Variants in EPS8L1 observed in about 807,000 individuals in gnomAD.
The protein encoded by EPS8L1 is EPS8 signaling adaptor L1, also known as epidermal growth factor receptor kinase substrate 8-like protein 1.
Under a neutral mutation model 91.7 loss-of-function variants are expected in EPS8L1, and 101 were observed. The observed-to-expected ratio is 1.10, with a 90% CI of 0.94 to 1.30. The LOEUF (loss-of-function observed/expected upper bound fraction) is 1.30. Among genes scored for constraint, EPS8L1 ranks in the 50% most tolerant of loss-of-function variants. The probability of loss-of-function intolerance (pLI) is 0.00; values close to 1 mark genes in which losing one functional copy is unlikely to be tolerated. For synonymous variants in EPS8L1, 506 were observed against 445.3 expected (o/e 1.14, Z -1.72); for missense variants, 1,114 against 1,017.0 (o/e 1.10, Z -1.30).
rs757013173 is a variant in EPS8L1 at position 55,086,142 on chromosome 19, C to T, written c.1600C>T (p.Pro534Ser). The T allele has an allele frequency of 6.2e-7, 1 of 1,607,258 alleles. No homozygotes were observed. The highest frequency in any genetic ancestry group is 8.5e-7 in the Non-Finnish European group (1 of 1,176,144). Reference protein sequence around the residue: ...EGYVPYNILTPYPGPRLHHSQ... With the variant: ...EGYVPYNILTSYPGPRLHHSQ... ...ATATGTGCCCTACAACATCCTGACA[C>T]CCTACCCCGGACCCCGGCTGCACCA... The change falls in exon 16 of 20, where the codon CCC becomes TCC. Residue 534 changes from proline to serine, a missense_variant. By Grantham distance (74) the Pro-to-Ser change is moderately conservative. Coordinates refer to ENST00000201647, the MANE Select transcript of EPS8L1 (RefSeq NM_133180.3).
At chr19:55,082,711 GT>G in intron 12 of EPS8L1, 109 bp downstream of exon 12, 1 of 1,046,390 alleles carries the variant, frequency 9.6e-7, no homozygotes, top group Non-Finnish European at 1.4e-6. Flanking sequence ...GTAGGGAGGG[GT>G]TAGAGGCGTG....
rs1393313645 is a variant in EPS8L1 at position 55,087,617 on chromosome 19, T to G, written c.*3T>G. On this transcript the variant is annotated 3_prime_UTR_variant, in exon 20 of 20. Coordinates refer to ENST00000201647, the MANE Select transcript of EPS8L1 (RefSeq NM_133180.3). ...AGGTGGAAATGGAGGTCATTTGACCTGCCAGGCGCCCTTCGCAAAGAGTGA... is the reference window on the plus strand; with the variant it reads ...AGGTGGAAATGGAGGTCATTTGACCGGCCAGGCGCCCTTCGCAAAGAGTGA... 3.1e-6 allele frequency: 5 copies of G among 1,614,094 alleles called. No homozygotes were observed. In the East Asian group the frequency reaches 8.9e-5, roughly 29 times the overall value.
Position 55,081,661 on chromosome 19 carries a change from GT to G in EPS8L1, c.775-109del. On this transcript the variant is annotated intron_variant, in intron 8 of 19. Transcript: ENST00000201647. The surrounding 1 kb of genome is among the most constrained non-coding windows in gnomAD (Gnocchi z 4.9). ...GCTTGGTTGTGGGGCGTGGCCAGGTGTTTGGGGCGTGGCCTGATCTGGGGAA... is the reference window on the plus strand; with the variant it reads ...GCTTGGTTGTGGGGCGTGGCCAGGTGTTGGGGCGTGGCCTGATCTGGGGAA... The G allele has an allele frequency of 6.7e-7, 1 of 1,487,816 alleles. No individual in the cohort carries two copies. The highest frequency in any genetic ancestry group is 9.0e-7 in the Non-Finnish European group (1 of 1,114,790). The allele number at this position is 1,487,816 out of a possible 1,614,324, so 92.2% of individuals were successfully genotyped here.
intron 16 of EPS8L1, 22 bp downstream of exon 16, chr19:55,086,214 G>T: frequency 6.3e-7 from 1 of 1,593,130 alleles, no homozygotes; most frequent in African/African-American, 1.3e-5. Context: ...CAGACGCTGG[G>T]ATCTTGAGGG....
chr19:55,086,554 C>G (rs1476767879), intron 17 of EPS8L1, 36 bp downstream of exon 17: 1 of 1,544,782 alleles, frequency 6.5e-7, no homozygotes, highest in South Asian at 1.2e-5. Flanking sequence ...GGGAGCGGTC[C>G]TTATCCTTGC....
chr19:55,087,276 G>C, intron 18 of EPS8L1, 27 bp from the exon 19 acceptor site: 1 of 1,577,980 alleles, frequency 6.3e-7, no homozygotes, highest in Non-Finnish European at 8.6e-7. Flanking sequence ...CGACCGGCCT[G>C]ACCGCGCCCG....
Position 55,083,479 on chromosome 19 carries a change from C to T in EPS8L1, c.1316C>T (p.Pro439Leu), listed in dbSNP as rs570936221. The change falls in exon 13 of 20, where the codon CCA (proline) becomes CTA (leucine). Residue 439 changes from proline (P) to leucine (L), a missense_variant. Pro to Leu is a moderately conservative substitution (Grantham distance 98). Transcript: ENST00000201647. This position sits in a 1 kb window ranked among gnomAD's most constrained non-coding sequence, Gnocchi z 4.7. ...TDPQSRAWED[P>L]VEKQLQHERR... The stretch of plus-strand genomic sequence containing the variant: ...CCGCAGAGCCGCGCCTGGGAGGACC[C>T]AGTTGAGAAACAGCTACAGCACGAG... The T allele has an allele frequency of 6.2e-7, 1 of 1,612,444 alleles. No individual in the cohort carries two copies. The highest frequency in any genetic ancestry group is 1.1e-5 in the South Asian group (1 of 91,036).
rs751602180 is a variant in EPS8L1 at position 55,086,190 on chromosome 19, C to T, written c.1648C>T (p.Leu550=). The change falls in exon 16 of 20, where the codon CTG becomes TTG. Residue 550 remains leucine (L), a splice_region_variant and synonymous_variant. Transcript: ENST00000201647. ...LHHSQSPARS[L]NSTPPPPPAP... is the part of the protein sequence containing the mutation. ...CCACAGCCAAAGCCCTGCCCGCAGC[C>T]TGGTGAGCCAGCGCAGACGCTGGGA... 6.3e-7 allele frequency: 1 copy of T among 1,595,086 alleles called. No homozygotes were observed. The highest frequency in any genetic ancestry group is 8.5e-7 in the Non-Finnish European group (1 of 1,170,282).
In EPS8L1 at chr19:55,087,383, AG is replaced by A. The variant is rs1258093348; in HGVS notation, c.2035del (p.Glu679ArgfsTer28). ...GAGGAGCTGCGGGCGGTGAGCCCCG[AG>A]GAGGGGGCACGTGTGTACAGCCAGG... The part of the protein sequence containing the change: ...QKEELRAVSP[E>X]EGARVYSQVT... On this transcript the variant is annotated frameshift_variant, in exon 19 of 20. Transcript: ENST00000201647. LOFTEE classifies it high-confidence loss of function. 1 of 1,613,320 alleles carries A rather than the reference AG, an allele frequency of 6.2e-7. No individual in the cohort carries two copies. Among genetic ancestry groups the A allele is most frequent in the South Asian group, 1.1e-5 (1 of 91,044 alleles).
chr19:55,086,982 G>C (rs1336435501), intron 18 of EPS8L1, 94 bp downstream of exon 18: 22 of 1,379,750 alleles, frequency 1.6e-5, no homozygotes, highest in Non-Finnish European at 2.1e-5. Context: ...GGCAGTCGTG[G>C]AGACCACAGG....
Position 55,087,631 on chromosome 19 carries a change from C to T in EPS8L1, c.*17C>T. 1.2e-6 allele frequency: 2 copies of T among 1,613,590 alleles called. No homozygotes were observed. The highest frequency in any genetic ancestry group is 2.2e-5 in the South Asian group (2 of 90,936). ...GTCATTTGACCTGCCAGGCGCCCTT[C>T]GCAAAGAGTGACGAGGCCCCGTGGG... is the stretch of plus-strand genomic sequence containing the variant. On this transcript the variant is annotated 3_prime_UTR_variant, in exon 20 of 20. Coordinates refer to ENST00000201647, the MANE Select transcript of EPS8L1 (RefSeq NM_133180.3).
chr19:55,076,236 A>C, intron 1 of EPS8L1, 172 bp from the exon 2 acceptor site: 3 of 441,038 alleles, frequency 6.8e-6, no homozygotes, highest in African/African-American at 3.9e-5. Context: ...GGTCTAGGGA[A>C]GAGGGACTGG....
chr19:55,076,166 GT>G (rs1178843096), intron 1 of EPS8L1, among the ~76,000 whole-genome samples: 12 of 75,932 alleles, frequency 1.6e-4, no homozygotes, highest in African/African-American at 5.4e-4. Context: ...TGAGGGAGGA[GT>G]GGACTGGGGT....
At chr19:55,087,046 G>C in intron 18 of EPS8L1, 158 bp downstream of exon 18, 1 of 1,086,490 alleles carries the variant, frequency 9.2e-7, no homozygotes, top group Non-Finnish European at 1.3e-6. Context: ...CCCAATGGCA[G>C]GCTGTGATTG....
chr19:55,080,108 C>T (rs2076221598), intron 5 of EPS8L1, 21 bp from the exon 6 acceptor site: 1 of 1,473,862 alleles, frequency 6.8e-7, no homozygotes, highest in Admixed American at 2.5e-5. Flanking sequence ...CCTCAGTTTA[C>T]CCCGCCATCC....
intron 1 of EPS8L1, among the ~76,000 whole-genome samples, chr19:55,076,161 GAGGAGTGGA>G (rs2076126210): frequency 4.6e-5 from 2 of 43,278 alleles, no homozygotes; most frequent in Non-Finnish European, 9.0e-5. Context: ...GGGTCTGAGG[GAGGAGTGGA>G]CTGGGGTCTG....
chr19:55,082,601 G>T lies in EPS8L1; in HGVS notation c.1213G>T (p.Gly405Trp). The change falls in exon 12 of 20, where the codon GGG (glycine) becomes TGG (tryptophan). Residue 405 changes from glycine to tryptophan, a missense_variant and splice_region_variant. Gly to Trp is a radical substitution (Grantham distance 184). Coordinates refer to ENST00000201647, the MANE Select transcript of EPS8L1 (RefSeq NM_133180.3). Reference sequence around the variant, plus strand: ...GCTGGGGGACTCGTGGACCCGCCCCGGGTGAGGGGCGGGGCTGGGAGGCAG... The same window carrying T: ...GCTGGGGGACTCGTGGACCCGCCCCTGGTGAGGGGCGGGGCTGGGAGGCAG... The part of the protein sequence containing the change: ...TSLGDSWTRP[G>W]LELSPEEGPP... 6.4e-7 allele frequency: 1 copy of T among 1,560,088 alleles called. No individual in the cohort carries two copies. Among genetic ancestry groups the T allele is most frequent in the South Asian group, 1.2e-5 (1 of 85,580 alleles).
At position 55,087,779 on chromosome 19, in the gene EPS8L1, C is replaced by G. The variant is rs1185790411; in HGVS notation, c.*165C>G. On this transcript the variant is annotated 3_prime_UTR_variant, in exon 20 of 20. Coordinates refer to ENST00000201647, the MANE Select transcript of EPS8L1 (RefSeq NM_133180.3). Reference sequence around the variant, plus strand: ...GACTTAACGATCCTTGCTGCAGTCCCTCCGGAGAGGATCTGGACTGGCTGG... The same window carrying G: ...GACTTAACGATCCTTGCTGCAGTCCGTCCGGAGAGGATCTGGACTGGCTGG... 8 of 729,296 alleles carry G rather than the reference C, an allele frequency of 1.1e-5. No homozygotes were observed. Among genetic ancestry groups the G allele is most frequent in the South Asian group, 1.7e-5 (1 of 58,406 alleles). The allele number at this position is 729,296 out of a possible 1,614,324, so 45.2% of individuals were successfully genotyped here. A position where few individuals can be genotyped will look rare whatever the true frequency, so the allele number is the denominator to read the frequency against.
Position 55,082,288 on chromosome 19 carries a change from G to T in EPS8L1, c.1004G>T (p.Gly335Val), listed in dbSNP as rs758980287. ...CCCACGCCCCAGGCCCGGCTGCGCGGCAACATCGCCGACCCCTCCTCTCCG... is the reference window on the plus strand; with the variant it reads ...CCCACGCCCCAGGCCCGGCTGCGCGTCAACATCGCCGACCCCTCCTCTCCG... Reference protein sequence around the residue: ...YAFSLLARLRGNIADPSSPEL... With the variant: ...YAFSLLARLRVNIADPSSPEL... Residue 335 changes from glycine to valine, a missense_variant, in exon 11 of 20, where the codon GGC becomes GTC. Gly to Val is a moderately radical substitution (Grantham distance 109, BLOSUM62 -3). Transcript: ENST00000201647. The T allele has an allele frequency of 6.8e-6, 11 of 1,611,814 alleles. No individual in the cohort carries two copies. In the Admixed American group the frequency reaches 1.8e-4, roughly 27 times the overall value.
Sources: allele counts gnomAD v4.1 joint callset (sites outside exome capture counted in the v4.1 genomes callset), GRCh38; gene constraint gnomAD v4.1.1; non-coding constraint Gnocchi (gnomAD v3.1); transcripts MANE v1.5; gene names NCBI Gene and HGNC (gene_info 2026-07-23, HGNC 2026-07-21).